PUS10: variants seen among roughly 807,000 people sequenced by gnomAD.
PUS10 encodes tRNA pseudouridine synthase Pus10.
In PUS10, 59 loss-of-function variants were observed where a neutral mutation model predicts 75.0. The observed-to-expected ratio is 0.79, with a 90% CI of 0.64 to 0.98. PUS10 has a LOEUF of 0.98. Ranked by LOEUF, PUS10 falls within the 50% of genes least tolerant of loss-of-function variation. The probability of loss-of-function intolerance (pLI) is 0.00; values close to 1 mark genes in which losing one functional copy is unlikely to be tolerated. For missense variants in PUS10, 650 were observed against 614.4 expected, an observed-to-expected ratio of 1.06 and a Z score of -0.61; for synonymous variants, 219 against 211.6, an observed-to-expected ratio of 1.03 and a Z score of -0.30.
At position 60,961,490 on chromosome 2, in the gene PUS10, A is replaced by G; in HGVS notation, c.847T>C (p.Cys283Arg). ...KAVCAVLEIE[C>R]AHGAVFVAGR... ...GCCACAAAAACAGCACCATGAGCAC[A>G]TTCAATTTCAAGAACAGCGCATACA... is the stretch of plus-strand genomic sequence containing the variant. Residue 283 changes from cysteine (C) to arginine (R), a missense_variant, in exon 10 of 18, where the codon TGT (cysteine) becomes CGT (arginine). Transcript: ENST00000316752. 1.2e-6 allele frequency: 2 copies of G among 1,614,138 alleles called. No individual in the cohort carries two copies. The highest frequency in any genetic ancestry group is 4.5e-5 in the East Asian group (2 of 44,874).
At chr2:60,979,804 A>G (rs182143164) in intron 4 of PUS10, among the ~76,000 whole-genome samples, 43 of 152,326 alleles carry the variant, frequency 2.8e-4, no homozygotes, top group African/African-American at 9.9e-4. Context: ...ATAGCATTGA[A>G]AAGGTTGAAG....
chr2:60,972,726 G>T (rs947853645), intron 4 of PUS10, among the ~76,000 whole-genome samples: 4 of 152,172 alleles, frequency 2.6e-5, no homozygotes, highest in African/African-American at 4.8e-5. Flanking sequence ...TCAAGACACG[G>T]CTTAATTTAT....
chr2:60,971,694 A>G, intron 4 of PUS10, 137 bp from the exon 5 acceptor site: 1 of 773,464 alleles, frequency 1.3e-6, no homozygotes, highest in South Asian at 1.6e-5. Context: ...TTAGTATTCA[A>G]AAATTTACCA....
At chr2:60,962,696 A>G (rs1676105666) in intron 9 of PUS10, 130 bp downstream of exon 9, 10 of 1,405,822 alleles carry the variant, frequency 7.1e-6, no homozygotes, top group Non-Finnish European at 5.5e-6. Flanking sequence ...TTGGAGAGAT[A>G]ACAATGACTA....
At chr2:60,977,345 T>C (rs1469294062) in intron 4 of PUS10, among the ~76,000 whole-genome samples, 1 of 152,182 alleles carries the variant, frequency 6.6e-6, no homozygotes, top group African/African-American at 2.4e-5. Flanking sequence ...TGTGTGTTCA[T>C]AAGTGAGGTT....
chr2:61,017,787 A>G (rs1355489273), intron 1 of PUS10: 2 of 1,550,156 alleles, frequency 1.3e-6, no homozygotes, highest in Non-Finnish European at 1.7e-6. Flanking sequence ...ACCTCCCCCC[A>G]AACCCTGGGA....
At position 60,998,336 on chromosome 2, in the gene PUS10, T is replaced by C. The variant is rs192502411; in HGVS notation, c.468+8221A>G. Among the ~76,000 whole-genome samples the C allele has an allele frequency of 6.4e-4, 98 of 152,312 alleles. No homozygotes were observed. The South Asian group carries it at 7.9e-3, about 12-fold the overall frequency. Reference sequence around the variant, plus strand: ...GAGATCAATAATCCTAAATTAGTTATGAATCCACAGATTTAAGTAAAAATC... The same window carrying C: ...GAGATCAATAATCCTAAATTAGTTACGAATCCACAGATTTAAGTAAAAATC... On this transcript the variant is annotated intron_variant, in intron 4 of 17. Transcript: ENST00000316752.
chr2:61,018,188 G>T lies in PUS10; in HGVS notation c.-196C>A. On this transcript the variant is annotated 5_prime_UTR_variant, in exon 1 of 18. Coordinates refer to ENST00000316752, the MANE Select transcript of PUS10 (RefSeq NM_144709.4). The stretch of plus-strand genomic sequence containing the variant: ...ATGGCTTCTCTATCTTTAAAGCGTA[G>T]ACTTTGGTCTGTAGCAGTTGAGAGC... The T allele has an allele frequency of 6.4e-7, 1 of 1,550,900 alleles. No homozygotes were observed. Among genetic ancestry groups the T allele is most frequent in the Non-Finnish European group, 8.7e-7 (1 of 1,146,914 alleles).
chr2:60,945,900 C>A (rs1334406776), intron 16 of PUS10, among the ~76,000 whole-genome samples: 1 of 152,078 alleles, frequency 6.6e-6, no homozygotes, highest in African/African-American at 2.4e-5. Flanking sequence ...GTTCTACAAA[C>A]CAGCATTTAG....
chr2:60,995,193 A>G (rs1000450792), intron 4 of PUS10, among the ~76,000 whole-genome samples: 1 of 152,192 alleles, frequency 6.6e-6, no homozygotes, highest in Non-Finnish European at 1.5e-5. Flanking sequence ...TCATCTGTAA[A>G]ATGGAGATGA....
chr2:60,952,874 A>T (rs1558873220), intron 15 of PUS10, 123 bp downstream of exon 15: 3 of 602,690 alleles, frequency 5.0e-6, no homozygotes, highest in Non-Finnish European at 8.8e-6. Context: ...CAGGCTTGGA[A>T]CCCAGGTCTT....
intron 11 of PUS10, among the ~76,000 whole-genome samples, chr2:60,956,344 G>T (rs528747566): frequency 4.3e-4 from 65 of 152,312 alleles, no homozygotes; most frequent in African/African-American, 1.6e-3. Flanking sequence ...AAGGGCATCT[G>T]GGAAGCTGAA....
At chr2:60,949,733 T>C (rs1337207468) in intron 15 of PUS10, among the ~76,000 whole-genome samples, 1 of 152,252 alleles carries the variant, frequency 6.6e-6, no homozygotes, top group Non-Finnish European at 1.5e-5. Flanking sequence ...ACTTAGGCTA[T>C]GGACCATTAA....
chr2:60,956,966 C>T (rs1375692425), intron 11 of PUS10, among the ~76,000 whole-genome samples: 7 of 97,088 alleles, frequency 7.2e-5, no homozygotes, highest in Non-Finnish European at 1.3e-4. Context: ...CAGAGCGAGA[C>T]TCCATCTCAA....
chr2:60,955,894 A>C (rs1277116072), intron 11 of PUS10, among the ~76,000 whole-genome samples: 1 of 152,142 alleles, frequency 6.6e-6, no homozygotes, highest in Non-Finnish European at 1.5e-5. Flanking sequence ...AGAACAAAGC[A>C]AAAACAGTCA....
chr2:60,987,446 AAAAAAAGGAAGAAG>A (rs1379721918), intron 4 of PUS10, among the ~76,000 whole-genome samples: 17 of 152,094 alleles, frequency 1.1e-4, no homozygotes, highest in African/African-American at 4.1e-4. Context: ...GAGAGAGAGA[AAAAAAAGGAAGAAG>A]AAAAAAGGAA....
chr2:60,948,318 C>T (rs953445859), intron 15 of PUS10, 133 bp from the exon 16 acceptor site: 4 of 833,824 alleles, frequency 4.8e-6, no homozygotes. Context: ...ATTGTGTCCC[C>T]TTAGGTTCAA....
At chr2:61,013,947 A>C (rs1432874621) in intron 1 of PUS10, among the ~76,000 whole-genome samples, 1 of 147,150 alleles carries the variant, frequency 6.8e-6, no homozygotes. Flanking sequence ...TCAAAAATAC[A>C]AACAAACAAC....
intron 3 of PUS10, among the ~76,000 whole-genome samples, chr2:61,007,495 G>A (rs1348105887): frequency 2.6e-5 from 4 of 151,850 alleles, no homozygotes; most frequent in Admixed American, 6.6e-5. Flanking sequence ...AAGGTCGGGC[G>A]TGGTGGCTCA....
Sources: gnomAD v4.1 joint callset for allele counts (sites outside exome capture counted in the v4.1 genomes callset) on GRCh38, gnomAD v4.1.1 for gene constraint, MANE v1.5 for transcripts, NCBI Gene and HGNC (gene_info 2026-07-23, HGNC 2026-07-21) for gene names.